Variants in ZFHX3 observed in about 807,000 individuals in gnomAD.
ZFHX3 encodes zinc finger homeobox 3, also known as zinc finger homeobox protein 3.
Under a neutral mutation model 279.1 loss-of-function variants are expected in ZFHX3, and 42 were observed. That is an observed-to-expected ratio of 0.15 (90% CI 0.12 to 0.19). ZFHX3 has a LOEUF of 0.19. Ranked by LOEUF, ZFHX3 falls within the 10% of genes least tolerant of loss-of-function variation. ZFHX3 has a pLI of 1.00. For missense variants in ZFHX3, 4,981 were observed against 4,754.0 expected (o/e 1.05, Z -1.40); for synonymous variants, 2,293 against 1,957.8 (o/e 1.17, Z -4.52).
At chr16:73,268,587 C>T (rs953240752) in intron 4 of ZFHX3, among the ~76,000 whole-genome samples, 5 of 152,232 alleles carry the variant, frequency 3.3e-5, no homozygotes, top group African/African-American at 9.6e-5. Flanking sequence ...TAGCAATTAG[C>T]ACCGTGGTAA....
In ZFHX3 at chr16:73,441,025, T is replaced by G. The variant is rs151075096; in HGVS notation, c.-1291+14978A>C. ...CTTGCTGTCTGATTTCTGTTTGGCATGCCCTGATTTCTTTTAAGCACTGGG... is the reference window on the plus strand; with the variant it reads ...CTTGCTGTCTGATTTCTGTTTGGCAGGCCCTGATTTCTTTTAAGCACTGGG... On this transcript the variant is annotated intron_variant, in intron 3 of 17. Transcript: ENST00000641206. Among the ~76,000 whole-genome samples, 285 of 152,338 alleles carry G rather than the reference T, an allele frequency of 1.9e-3. 2 individuals are homozygous for G. The highest frequency in any genetic ancestry group is 6.8e-3 in the Middle Eastern group (2 of 294).
intron 1 of ZFHX3, among the ~76,000 whole-genome samples, chr16:72,972,409 T>C (rs1962146782): frequency 1.3e-5 from 2 of 152,198 alleles, no homozygotes; most frequent in Non-Finnish European, 2.9e-5. Flanking sequence ...GAGTGGACTC[T>C]GTCCACTGCT....
At chr16:73,464,796 C>T (rs189179867) in intron 2 of ZFHX3, among the ~76,000 whole-genome samples, 3 of 152,354 alleles carry the variant, frequency 2.0e-5, no homozygotes, top group African/African-American at 7.2e-5. Context: ...GTCCCAGACC[C>T]GCCTTTGGGT....
chr16:73,576,283 C>T (rs2051798642), intron 2 of ZFHX3, among the ~76,000 whole-genome samples: 1 of 152,160 alleles, frequency 6.6e-6, no homozygotes, highest in African/African-American at 2.4e-5. Context: ...CTTGTAAAAA[C>T]AATATTTTGA....
chr16:72,855,169 A>C (rs1567549279), intron 4 of ZFHX3, among the ~76,000 whole-genome samples: 1 of 152,162 alleles, frequency 6.6e-6, no homozygotes, highest in Non-Finnish European at 1.5e-5. Flanking sequence ...GGTCACGTCA[A>C]CTCCACAAGG....
intron 3 of ZFHX3, among the ~76,000 whole-genome samples, chr16:72,908,505 T>C (rs1247132829): frequency 6.6e-6 from 1 of 152,226 alleles, no homozygotes; most frequent in Non-Finnish European, 1.5e-5. Flanking sequence ...GTCCTAGGAC[T>C]GACTACACAA....
At chr16:73,687,004 G>T (rs1292327913) in intron 1 of ZFHX3, among the ~76,000 whole-genome samples, 1 of 74,134 alleles carries the variant, frequency 1.3e-5, no homozygotes, top group Non-Finnish European at 2.7e-5. Flanking sequence ...ATATATATTT[G>T]CAGCTAAATA....
chr16:73,639,770 A>ACT (rs2052558049), intron 2 of ZFHX3, among the ~76,000 whole-genome samples: 1 of 152,172 alleles, frequency 6.6e-6, no homozygotes, highest in Non-Finnish European at 1.5e-5. Context: ...AATAACAGTA[A>ACT]AAGACTAAAA....
At chr16:73,824,257 T>A (rs1381292014) in intron 1 of ZFHX3, among the ~76,000 whole-genome samples, 1 of 152,194 alleles carries the variant, frequency 6.6e-6, no homozygotes, top group African/African-American at 2.4e-5. Context: ...AGTCATCTTA[T>A]CAGGACAGAG....
At position 73,772,697 on chromosome 16, in the gene ZFHX3, G is replaced by A. The variant is rs148459956; in HGVS notation, c.-1607-92457C>T. Reference sequence around the variant, plus strand: ...TTAGCACAACTGCATCTCATCCTCGGCCTGCAGCTCCTGTCTCTCAATGGT... The same window carrying A: ...TTAGCACAACTGCATCTCATCCTCGACCTGCAGCTCCTGTCTCTCAATGGT... On this transcript the variant is annotated intron_variant, in intron 1 of 17. Transcript: ENST00000641206. Among the ~76,000 whole-genome samples, 12 of 152,204 alleles carry A rather than the reference G, an allele frequency of 7.9e-5. No homozygotes were observed. In the East Asian group the frequency reaches 2.3e-3, roughly 29 times the overall value.
intron 2 of ZFHX3, among the ~76,000 whole-genome samples, chr16:73,592,208 G>A (rs2052006630): frequency 6.6e-6 from 1 of 152,220 alleles, no homozygotes; most frequent in African/African-American, 2.4e-5. Flanking sequence ...ACTCCAGCAT[G>A]GGCGACAGAG....
chr16:73,832,840 C>T (rs1961034274), intron 1 of ZFHX3, among the ~76,000 whole-genome samples: 1 of 152,084 alleles, frequency 6.6e-6, no homozygotes, highest in Admixed American at 6.6e-5. Context: ...AGAAATATTA[C>T]TAGATTTTTT....
intron 1 of ZFHX3, among the ~76,000 whole-genome samples, chr16:73,789,962 C>T (rs141472421): frequency 0.016 from 2,372 of 152,236 alleles, 39 homozygotes; most frequent in Middle Eastern, 0.054. Context: ...CATTTATTAT[C>T]GCATTGCACT....
intron 3 of ZFHX3, among the ~76,000 whole-genome samples, chr16:73,433,958 G>C (rs190654307): frequency 6.6e-6 from 1 of 152,194 alleles, no homozygotes; most frequent in African/African-American, 2.4e-5. Flanking sequence ...GACCCCACAG[G>C]TGGCTTAGTT....
At position 72,788,715 on chromosome 16, in the gene ZFHX3, C is replaced by G. The variant is rs781316015; in HGVS notation, c.9561G>C (p.Thr3187=). 4.3e-6 allele frequency: 7 copies of G among 1,609,884 alleles called. No individual in the cohort carries two copies. Among genetic ancestry groups the G allele is most frequent in the Non-Finnish European group, 5.9e-6 (7 of 1,177,752 alleles). Residue 3187 remains threonine, a synonymous_variant, in exon 10 of 10, where the codon ACG becomes ACC. Transcript: ENST00000268489. ...SLSSPTPAQA[T]MAMGPQQPPQ... The stretch of plus-strand genomic sequence containing the variant: ...GGGGTTGCTGAGGGCCCATCGCCAT[C>G]GTGGCTTGTGCTGGGGTTGGGGAGC...
intron 3 of ZFHX3, among the ~76,000 whole-genome samples, chr16:73,381,747 A>G (rs1372308593): frequency 6.6e-6 from 1 of 152,218 alleles, no homozygotes; most frequent in South Asian, 2.1e-4. Context: ...ACTAACAATA[A>G]CAATAGTTGA....
At chr16:73,020,844 A>G (rs1043507389) in intron 1 of ZFHX3, among the ~76,000 whole-genome samples, 3 of 152,152 alleles carry the variant, frequency 2.0e-5, no homozygotes, top group Non-Finnish European at 4.4e-5. Flanking sequence ...ATGTCTTCCT[A>G]TATAATCCAC....
At chr16:72,834,952 C>G (rs1169578077) in intron 4 of ZFHX3, among the ~76,000 whole-genome samples, 2 of 152,120 alleles carry the variant, frequency 1.3e-5, no homozygotes, top group Non-Finnish European at 2.9e-5. Context: ...TAACTCTTAA[C>G]AGGATAATGC....
intron 3 of ZFHX3, among the ~76,000 whole-genome samples, chr16:73,372,591 T>C (rs1021954116): frequency 1.3e-5 from 2 of 152,208 alleles, no homozygotes; most frequent in African/African-American, 4.8e-5. Flanking sequence ...GTTGTTTAAT[T>C]AGAATGACAA....
Sources: gnomAD v4.1 joint callset for allele counts (sites outside exome capture counted in the v4.1 genomes callset) on GRCh38, gnomAD v4.1.1 for gene constraint, MANE v1.5 for transcripts, NCBI Gene and HGNC (gene_info 2026-07-23, HGNC 2026-07-21) for gene names.